IQCM: variants seen among roughly 807,000 people sequenced by gnomAD.
IQCM encodes IQ motif containing M, also known as IQ domain-containing protein M.
Under a neutral mutation model 57.6 loss-of-function variants are expected in IQCM, and 45 were observed. The ratio of observed to expected loss-of-function variants is 0.78; its 90% CI spans 0.62 to 1.00. The LOEUF (loss-of-function observed/expected upper bound fraction) is 1.00. IQCM is among the 50% of genes least tolerant of loss of function. The pLI, the probability that IQCM is intolerant of heterozygous loss-of-function variation, is 0.00. For missense variants in IQCM, 468 were observed against 511.6 expected (o/e 0.91, Z 0.82); for synonymous variants, 148 against 158.9 (o/e 0.93, Z 0.51).
At chr4:149,388,522 T>TA (rs1202521123) in intron 13 of IQCM, among the ~76,000 whole-genome samples, 1 of 139,184 alleles carries the variant, frequency 7.2e-6, no homozygotes, top group Non-Finnish European at 1.5e-5. Flanking sequence ...TACATATATA[T>TA]TATATATATT....
At chr4:149,790,918 T>C (rs937574045) in intron 2 of IQCM, among the ~76,000 whole-genome samples, 4 of 152,156 alleles carry the variant, frequency 2.6e-5, no homozygotes, top group African/African-American at 9.7e-5. Context: ...ATTGTTTTAC[T>C]GCCCTTGTAG....
chr4:149,493,084 C>T (rs959985300), intron 12 of IQCM, among the ~76,000 whole-genome samples: 19 of 152,054 alleles, frequency 1.2e-4, no homozygotes, highest in Admixed American at 5.2e-4. Flanking sequence ...AATATCCACT[C>T]CTGGGGAAGT....
chr4:149,446,123 T>C (rs970936835), intron 12 of IQCM, among the ~76,000 whole-genome samples: 2 of 151,794 alleles, frequency 1.3e-5, no homozygotes, highest in African/African-American at 2.4e-5. Flanking sequence ...AAAACTGTCA[T>C]GTTACTGACT....
intron 7 of IQCM, among the ~76,000 whole-genome samples, chr4:149,660,079 T>C (rs1265363486): frequency 6.6e-6 from 1 of 151,006 alleles, no homozygotes; most frequent in Non-Finnish European, 1.5e-5. Flanking sequence ...TGCAACCTAC[T>C]CATCTGACAA....
intron 7 of IQCM, among the ~76,000 whole-genome samples, chr4:149,623,350 A>C (rs367673367): frequency 2.8e-4 from 42 of 152,304 alleles, no homozygotes; most frequent in African/African-American, 8.9e-4. Flanking sequence ...CAAATGTTTT[A>C]TCTTGCTTAC....
rs554221041 is a variant in IQCM, at chr4:149,799,268, T to A, written c.-49+16043A>T. 2.6e-5 allele frequency among the ~76,000 whole-genome samples: 4 copies of A among 151,462 alleles called. No homozygotes were observed. In the South Asian group the frequency reaches 8.3e-4, roughly 31 times the overall value. ...ACCAGTGGGTCAATGAAGAAATTAA[T>A]AAGGAAATTGAAAAAGGTCTTGAAA... On this transcript the variant is annotated intron_variant, in intron 2 of 13. Coordinates refer to ENST00000636793, the MANE Select transcript of IQCM (RefSeq NM_001363507.2).
chr4:149,769,001 A>G (rs1371878285), intron 2 of IQCM, among the ~76,000 whole-genome samples: 1 of 152,076 alleles, frequency 6.6e-6, no homozygotes, highest in East Asian at 1.9e-4. Flanking sequence ...AAATATTAAA[A>G]TCTCTGCAGA....
intron 13 of IQCM, among the ~76,000 whole-genome samples, chr4:149,396,384 A>T (rs573783225): frequency 3.3e-5 from 5 of 151,974 alleles, no homozygotes; most frequent in East Asian, 3.9e-4. Flanking sequence ...CCATAATTTT[A>T]AAAAAAGAAA....
At chr4:149,723,783 C>G (rs1765654737) in intron 5 of IQCM, among the ~76,000 whole-genome samples, 1 of 151,908 alleles carries the variant, frequency 6.6e-6, no homozygotes, top group South Asian at 2.1e-4. Context: ...GCTTTGGTAC[C>G]AGGGTGATAC....
At chr4:149,481,705 T>TTTTTTTTTGTTTTTTGTTTG (rs1393102224) in intron 12 of IQCM, among the ~76,000 whole-genome samples, 1 of 133,126 alleles carries the variant, frequency 7.5e-6, no homozygotes, top group Non-Finnish European at 1.6e-5. Context: ...AGTTTTGTTT[T>TTTTTTTTTGTTTTTTGTTTG]TTTTTTTTTT....
chr4:149,659,137 T>G (rs539449584), intron 7 of IQCM, among the ~76,000 whole-genome samples: 1 of 150,328 alleles, frequency 6.7e-6, no homozygotes, highest in Non-Finnish European at 1.5e-5. Context: ...AAAAACCAGC[T>G]CCTGGATTCA....
intron 5 of IQCM, among the ~76,000 whole-genome samples, chr4:149,687,408 A>T (rs934528157): frequency 5.3e-5 from 8 of 151,580 alleles, no homozygotes. Flanking sequence ...AAAAAAATTT[A>T]AAAATACAAT....
chr4:149,696,370 T>C (rs1763342157), intron 5 of IQCM, among the ~76,000 whole-genome samples: 1 of 152,204 alleles, frequency 6.6e-6, no homozygotes, highest in South Asian at 2.1e-4. Flanking sequence ...CAATCTCTTT[T>C]GCTGACTCTC....
chr4:149,642,057 C>T (rs1397008451), intron 7 of IQCM, among the ~76,000 whole-genome samples: 2 of 151,944 alleles, frequency 1.3e-5, no homozygotes, highest in Admixed American at 6.6e-5. Flanking sequence ...AGACAGTGAA[C>T]GAGGGGGAAA....
Position 149,391,402 on chromosome 4 carries a change from G to T in IQCM, c.1391-39336C>A, listed in dbSNP as rs189141777. ...TTTTTTCTTTGTCTGTCTAACTAAA[G>T]ATTGGTAGCTTTTGTTGATTTTTTT... On this transcript the variant is annotated intron_variant, in intron 13 of 13. Coordinates refer to ENST00000636793, the MANE Select transcript of IQCM (RefSeq NM_001363507.2). 2.1e-3 allele frequency among the ~76,000 whole-genome samples: 319 copies of T among 151,896 alleles called. 4 individuals carry two copies. The highest frequency in any genetic ancestry group is 7.4e-3 in the African/African-American group (308 of 41,512).
rs565244258 is a variant in IQCM at position 149,465,373 on chromosome 4, A to T, written c.1229-31816T>A. ...GCCACTAGACAGTGTTTCTCAATAC[A>T]ATAGGATGATATTAGGAGCCAAGGG... On this transcript the variant is annotated intron_variant, in intron 12 of 13. Transcript: ENST00000636793. 5.3e-5 allele frequency among the ~76,000 whole-genome samples: 8 copies of T among 152,290 alleles called. No homozygotes were observed. The East Asian group carries it at 1.5e-3, about 29-fold the overall frequency.
intron 9 of IQCM, among the ~76,000 whole-genome samples, chr4:149,565,940 C>A (rs1240219929): frequency 6.6e-6 from 1 of 151,988 alleles, no homozygotes; most frequent in East Asian, 1.9e-4. Flanking sequence ...AATTACTGAG[C>A]CAAATATATA....
At chr4:149,749,311 A>G (rs1433216043) in intron 2 of IQCM, among the ~76,000 whole-genome samples, 1 of 152,260 alleles carries the variant, frequency 6.6e-6, no homozygotes, top group Non-Finnish European at 1.5e-5. Flanking sequence ...GTCCACTGAC[A>G]GTAGAATACA....
intron 12 of IQCM, among the ~76,000 whole-genome samples, chr4:149,499,657 T>C (rs1488949125): frequency 6.6e-6 from 1 of 152,010 alleles, no homozygotes; most frequent in Non-Finnish European, 1.5e-5. Flanking sequence ...ATATACCTTA[T>C]AGGCAAGAAA....
Sources: allele counts gnomAD v4.1 joint callset (sites outside exome capture counted in the v4.1 genomes callset), GRCh38; gene constraint gnomAD v4.1.1; transcripts MANE v1.5; gene names NCBI Gene and HGNC (gene_info 2026-07-23, HGNC 2026-07-21).